The following OPRL1 variants were observed in gnomAD, a reference collection of about 807,000 sequenced individuals.
OPRL1 encodes the protein opioid related nociceptin receptor 1.
A neutral mutation model predicts 15.5 loss-of-function variants in OPRL1; 5 were observed. That is an observed-to-expected ratio of 0.32 (90% CI 0.17 to 0.68). The LOEUF (loss-of-function observed/expected upper bound fraction) is 0.68, where lower values mean the gene tolerates loss of function less well. Among genes scored for constraint, OPRL1 ranks in the 30% least tolerant of loss-of-function variants. The pLI, the probability that OPRL1 is intolerant of heterozygous loss-of-function variation, is 0.72. For missense variants in OPRL1, 406 were observed against 515.3 expected (o/e 0.79, Z 2.05); for synonymous variants, 223 against 230.2 (o/e 0.97, Z 0.28).
rs756805239 is a variant in OPRL1, at chr20:64,092,692, C to T, written c.-29C>T. 40 of 1,591,550 alleles carry T rather than the reference C, an allele frequency of 2.5e-5. No individual in the cohort carries two copies. The highest frequency in any genetic ancestry group is 1.2e-4 in the African/African-American group (9 of 74,464). On this transcript the variant is annotated 5_prime_UTR_variant, in exon 3 of 5. Transcript: ENST00000336866. Reference sequence around the variant, plus strand: ...TGTCTCTGCGCTCTGTCCCAGGTACCGTACAGAGTGGATTTGCAGGGCAGT... The same window carrying T: ...TGTCTCTGCGCTCTGTCCCAGGTACTGTACAGAGTGGATTTGCAGGGCAGT...
rs764893260 is a variant in OPRL1, at chr20:64,092,846, C to T, written c.126C>T (p.His42=). The change falls in exon 3 of 5, where the codon CAC becomes CAT. Residue 42 remains histidine, a synonymous_variant. Transcript: ENST00000336866. The part of the protein sequence containing the change: ...LPPHLLLNAS[H]GAFLPLGLKV... Reference sequence around the variant, plus strand: ...CGCATCTGCTGCTCAATGCCAGCCACGGCGCCTTCCTGCCCCTCGGGCTCA... The same window carrying T: ...CGCATCTGCTGCTCAATGCCAGCCATGGCGCCTTCCTGCCCCTCGGGCTCA... The T allele has an allele frequency of 1.2e-5, 19 of 1,612,666 alleles. No individual in the cohort carries two copies. Among genetic ancestry groups the T allele is most frequent in the East Asian group, 4.5e-5 (2 of 44,894 alleles).
intron 1 of OPRL1, among the ~76,000 whole-genome samples, chr20:64,087,961 C>T (rs1452997046): frequency 6.6e-6 from 1 of 152,186 alleles, no homozygotes; most frequent in Non-Finnish European, 1.5e-5. Context: ...CCCCTGCCAA[C>T]CCCAGGGAGC....
rs752880694 is a variant in OPRL1, at chr20:64,083,454, C to T, written c.-185+3102C>T. 6.2e-7 allele frequency: 1 copy of T among 1,609,806 alleles called. No homozygotes were observed. Among genetic ancestry groups the T allele is most frequent in the Non-Finnish European group, 8.5e-7 (1 of 1,178,718 alleles). ...TCGCCGTCACCGCGGGAAGATGGTG[C>T]CATCCACGTTCTCCTCCAGGATGGT... On this transcript the variant is annotated intron_variant, in intron 1 of 4. Transcript: ENST00000336866. This position sits in a 1 kb window ranked among gnomAD's most constrained non-coding sequence, Gnocchi z 4.9.
chr20:64,081,268 A>G (rs993613038), intron 1 of OPRL1, among the ~76,000 whole-genome samples: 5 of 152,234 alleles, frequency 3.3e-5, no homozygotes, highest in Non-Finnish European at 4.4e-5. Flanking sequence ...GGAAGCCCAC[A>G]GGGACAAGAG....
In OPRL1 at chr20:64,083,367, C is replaced by A; in HGVS notation, c.-185+3015C>A. The A allele has an allele frequency of 6.2e-7, 1 of 1,606,928 alleles. No individual in the cohort carries two copies. Among genetic ancestry groups the A allele is most frequent in the Non-Finnish European group, 8.5e-7 (1 of 1,177,266 alleles). ...TCCTGGGGAGTGGCAGCAAAAAGAC[C>A]AGCGAGCCTTCGGAGAATTATAACT... is the stretch of plus-strand genomic sequence containing the variant. On this transcript the variant is annotated intron_variant, in intron 1 of 4. Coordinates refer to ENST00000336866, the MANE Select transcript of OPRL1 (RefSeq NM_182647.4). The surrounding 1 kb of genome is among the most constrained non-coding windows in gnomAD (Gnocchi z 4.9).
At chr20:64,080,612 G>A (rs2059956548) in intron 1 of OPRL1, among the ~76,000 whole-genome samples, 2 of 152,176 alleles carry the variant, frequency 1.3e-5, no homozygotes, top group Admixed American at 1.3e-4. Context: ...TGCCACGAAC[G>A]CCCTGTCCCT....
rs746243854 is a variant in OPRL1, at chr20:64,088,894, T to A, written c.-184-3072T>A. On this transcript the variant is annotated intron_variant, in intron 1 of 4. Transcript: ENST00000336866. The stretch of plus-strand genomic sequence containing the variant: ...CAGAGTGGCCAGGGTCTGTGCAGAG[T>A]GGCCAGGGTCTGTGCAGAGTGGCCA... 3.1e-3 allele frequency among the ~76,000 whole-genome samples: 284 copies of A among 92,894 alleles called. 2 individuals are homozygous for A. Among genetic ancestry groups the A allele is most frequent in the South Asian group, 3.8e-3 (9 of 2,390 alleles). 60.9% of individuals were successfully genotyped at this position (92,894 alleles called of 152,430 possible).
chr20:64,086,863 G>T (rs1435994098), intron 1 of OPRL1, among the ~76,000 whole-genome samples: 1 of 152,180 alleles, frequency 6.6e-6, no homozygotes, highest in African/African-American at 2.4e-5. Context: ...GCCAGCCCAG[G>T]GTGGTGAGCC....
At chr20:64,088,289 A>G (rs2060071713) in intron 1 of OPRL1, among the ~76,000 whole-genome samples, 1 of 152,084 alleles carries the variant, frequency 6.6e-6, no homozygotes, top group Admixed American at 6.5e-5. Flanking sequence ...GGATCTGTGC[A>G]TTGAGGCCAG....
intron 1 of OPRL1, chr20:64,084,181 C>T: frequency 6.9e-7 from 1 of 1,448,258 alleles, no homozygotes. Context: ...TTCGCTCCCG[C>T]GGGCCCTTGC....
In OPRL1 at chr20:64,098,157, G is replaced by A. The variant is rs1380315681; in HGVS notation, c.589G>A (p.Glu197Lys). ...GGGCTCGGCACAGGTCGAGGATGAA[G>A]GTCAGTGGGGTGTCCCCTCCTCCCC... ...IMGSAQVEDE[E>K]IECLVEIPTP... The change falls in exon 4 of 5, where the codon GAG becomes AAG. Residue 197 changes from glutamate to lysine, a missense_variant and splice_region_variant. Glu to Lys is a moderately conservative substitution (Grantham distance 56). Transcript: ENST00000336866. 2 of 1,611,680 alleles carry A rather than the reference G, an allele frequency of 1.2e-6. No homozygotes were observed.
rs146075237 is a variant in OPRL1 at position 64,092,849 on chromosome 20, C to T, written c.129C>T (p.Gly43=). 524 of 1,612,660 alleles carry T rather than the reference C, an allele frequency of 3.2e-4. 4 individuals are homozygous for T. The highest frequency in any genetic ancestry group is 1.1e-4 in the East Asian group (5 of 44,892). ...PPHLLLNASH[G]AFLPLGLKVT... ...ATCTGCTGCTCAATGCCAGCCACGG[C>T]GCCTTCCTGCCCCTCGGGCTCAAGG... The change falls in exon 3 of 5, where the codon GGC becomes GGT. Residue 43 remains glycine, a synonymous_variant. Coordinates refer to ENST00000336866, the MANE Select transcript of OPRL1 (RefSeq NM_182647.4).
At chr20:64,082,597 G>C (rs1000129702) in intron 1 of OPRL1, among the ~76,000 whole-genome samples, 5 of 152,342 alleles carry the variant, frequency 3.3e-5, no homozygotes, top group African/African-American at 1.2e-4. Context: ...TGTGCAGCCT[G>C]CTGGGCAGGG....
chr20:64,085,592 G>C (rs1277276303), intron 1 of OPRL1, among the ~76,000 whole-genome samples: 2 of 152,104 alleles, frequency 1.3e-5, no homozygotes, highest in Non-Finnish European at 2.9e-5. Context: ...CCTAATTCAC[G>C]TGCTTATTCC....
chr20:64,083,933 C>T lies in OPRL1; in HGVS notation c.-185+3581C>T. ...GGCGGGCAGCTCGAGCGACTGCGTC[C>T]ACGGGCGCGGGTCGGGCATGCGGTA... On this transcript the variant is annotated intron_variant, in intron 1 of 4. Coordinates refer to ENST00000336866, the MANE Select transcript of OPRL1 (RefSeq NM_182647.4). The surrounding 1 kb of genome is among the most constrained non-coding windows in gnomAD (Gnocchi z 4.9). The T allele has an allele frequency of 6.9e-7, 1 of 1,456,212 alleles. No individual in the cohort carries two copies. The highest frequency in any genetic ancestry group is 9.0e-7 in the Non-Finnish European group (1 of 1,109,384). 90.2% of individuals were successfully genotyped at this position (1,456,212 alleles called of 1,614,324 possible). A position where few individuals can be genotyped will look rare whatever the true frequency, so the allele number is the denominator to read the frequency against.
chr20:64,083,412 G>A lies in OPRL1; in HGVS notation c.-185+3060G>A. Reference sequence around the variant, plus strand: ...ATAACTTTATGTGGGAGGCTGGGGCGCGTCGCACACTCTCAGTCGCCGTCA... The same window carrying A: ...ATAACTTTATGTGGGAGGCTGGGGCACGTCGCACACTCTCAGTCGCCGTCA... On this transcript the variant is annotated intron_variant, in intron 1 of 4. Transcript: ENST00000336866. The surrounding 1 kb of genome is among the most constrained non-coding windows in gnomAD (Gnocchi z 4.9). The A allele has an allele frequency of 6.2e-7, 1 of 1,611,840 alleles. No homozygotes were observed. The highest frequency in any genetic ancestry group is 1.1e-5 in the South Asian group (1 of 91,046).
rs1171768776 is a variant in OPRL1 at position 64,097,193 on chromosome 20, AC to A, written c.234-607del. 6.6e-6 allele frequency among the ~76,000 whole-genome samples: 1 copy of A among 152,096 alleles called. No individual in the cohort carries two copies. The highest frequency in any genetic ancestry group is 2.4e-5 in the African/African-American group (1 of 41,404). On this transcript the variant is annotated intron_variant, in intron 3 of 4. Transcript: ENST00000336866. This position sits in a 1 kb window ranked among gnomAD's most constrained non-coding sequence, Gnocchi z 4.2. ...CTTATTTAACAAAAATTTATTAATC[AC>A]CAACGATTTTCCCAGCCCTTTCCAG...
At chr20:64,092,521 G>C (rs1415816837) in intron 2 of OPRL1, among the ~76,000 whole-genome samples, 167 bp from the exon 3 acceptor site, 1 of 152,190 alleles carries the variant, frequency 6.6e-6, no homozygotes, top group Admixed American at 6.5e-5. Flanking sequence ...GTCCCTGCAT[G>C]TGCATGTGTG....
rs1448389931 is a variant in OPRL1 at position 64,080,122 on chromosome 20, G to T, written c.-415G>T. ...GCGTCGGCCCCCACAGTCGCCTGGG[G>T]GTGGCCCGGAGAGTCGAGGTGCTCA... On this transcript the variant is annotated 5_prime_UTR_variant, in exon 1 of 5. Transcript: ENST00000336866. The T allele has an allele frequency of 6.6e-6, 1 of 151,660 alleles. No individual in the cohort carries two copies. The highest frequency in any genetic ancestry group is 1.5e-5 in the Non-Finnish European group (1 of 67,862). 9.4% of individuals were successfully genotyped at this position (151,660 alleles called of 1,614,324 possible).
Sources: allele counts gnomAD v4.1 joint callset (sites outside exome capture counted in the v4.1 genomes callset), GRCh38; gene constraint gnomAD v4.1.1; non-coding constraint Gnocchi (gnomAD v3.1); transcripts MANE v1.5; gene names NCBI Gene and HGNC (gene_info 2026-07-23, HGNC 2026-07-21).